RALY: variants seen among roughly 807,000 people sequenced by gnomAD.
RALY encodes RNA-binding protein Raly.
A neutral mutation model predicts 30.7 loss-of-function variants in RALY; 15 were observed. That is an observed-to-expected ratio of 0.49 (90% confidence interval 0.33 to 0.75). The LOEUF (loss-of-function observed/expected upper bound fraction) is 0.75, where lower values mean the gene tolerates loss of function less well. Ranked by LOEUF, RALY falls within the 30% of genes least tolerant of loss-of-function variation. The pLI is 0.02. For synonymous variants in RALY, 177 were observed against 170.8 expected (o/e 1.04, Z -0.28); for missense variants, 339 against 414.3 (o/e 0.82, Z 1.58).
chr20:34,004,343 C>G (rs188445990), intron 1 of RALY, among the ~76,000 whole-genome samples: 119 of 152,324 alleles, frequency 7.8e-4, no homozygotes, highest in Non-Finnish European at 1.2e-3. Context: ...TCAATATTGC[C>G]ATGTCTGTAC....
chr20:34,058,805 G>T (rs1601487317), intron 2 of RALY, among the ~76,000 whole-genome samples: 3 of 152,310 alleles, frequency 2.0e-5, no homozygotes, highest in East Asian at 1.9e-4. Context: ...GAGGATTGTT[G>T]TGTATAGATT....
intron 1 of RALY, among the ~76,000 whole-genome samples, chr20:34,022,415 T>C (rs1397034150): frequency 6.6e-6 from 1 of 152,168 alleles, no homozygotes; most frequent in Non-Finnish European, 1.5e-5. Context: ...GTGGAGGGGC[T>C]TATGATACTT....
intron 6 of RALY, 138 bp from the exon 7 acceptor site, chr20:34,076,564 C>T (rs2033883092): frequency 4.2e-6 from 3 of 721,692 alleles, no homozygotes; most frequent in African/African-American, 1.8e-5. Flanking sequence ...AGGAGGAGAC[C>T]TTTTTCCTAA....
chr20:34,061,687 T>C (rs982349460), intron 2 of RALY, among the ~76,000 whole-genome samples: 1 of 152,226 alleles, frequency 6.6e-6, no homozygotes, highest in Non-Finnish European at 1.5e-5. Context: ...TTTTGAGTAC[T>C]TAAGATTGGC....
At chr20:34,033,426 A>G (rs999867377) in intron 2 of RALY, among the ~76,000 whole-genome samples, 1 of 152,234 alleles carries the variant, frequency 6.6e-6, no homozygotes, top group African/African-American at 2.4e-5. Context: ...TTGTCTCACA[A>G]TTCGAATGTC....
At chr20:34,062,262 A>G (rs1424617074) in intron 2 of RALY, among the ~76,000 whole-genome samples, 1 of 152,134 alleles carries the variant, frequency 6.6e-6, no homozygotes, top group East Asian at 1.9e-4. Flanking sequence ...TTTACTCTCT[A>G]CTTTCTCTGA....
chr20:34,075,797 C>G, intron 5 of RALY, 77 bp from the exon 6 acceptor site: 2 of 1,470,238 alleles, frequency 1.4e-6, no homozygotes, highest in Non-Finnish European at 1.8e-6. Context: ...CAGCCACACA[C>G]GTTTGTAGCC....
At chr20:34,051,665 C>T (rs992927061) in intron 2 of RALY, among the ~76,000 whole-genome samples, 17 of 151,976 alleles carry the variant, frequency 1.1e-4, no homozygotes, top group Admixed American at 2.6e-4. Context: ...GCGTGATCTC[C>T]GCTCACTGCA....
At chr20:34,048,179 T>G (rs1313064791) in intron 2 of RALY, among the ~76,000 whole-genome samples, 1 of 152,218 alleles carries the variant, frequency 6.6e-6, no homozygotes, top group Non-Finnish European at 1.5e-5. Context: ...AAAAGATTCA[T>G]TAGGCTCTGG....
At chr20:34,045,662 TGAATC>T (rs1223191362) in intron 2 of RALY, among the ~76,000 whole-genome samples, 2 of 152,236 alleles carry the variant, frequency 1.3e-5, no homozygotes, top group Admixed American at 1.3e-4. Flanking sequence ...AATATTAACT[TGAATC>T]CCATTTAATA....
chr20:34,050,614 C>G (rs752233577), intron 2 of RALY, among the ~76,000 whole-genome samples: 23 of 152,180 alleles, frequency 1.5e-4, no homozygotes, highest in Non-Finnish European at 3.2e-4. Context: ...TCAGGGTAGT[C>G]TCTATCTGAG....
At chr20:34,070,085 AT>A (rs1293155059) in intron 2 of RALY, among the ~76,000 whole-genome samples, 4 of 152,216 alleles carry the variant, frequency 2.6e-5, no homozygotes, top group Non-Finnish European at 5.9e-5. Flanking sequence ...AGAGTCTCTT[AT>A]CCCCTAGTGG....
At chr20:33,996,677 C>G (rs2030647825) in intron 1 of RALY, among the ~76,000 whole-genome samples, 1 of 152,046 alleles carries the variant, frequency 6.6e-6, no homozygotes, top group African/African-American at 2.4e-5. Flanking sequence ...TTAACCGTTT[C>G]AAAGTGTACA....
chr20:33,996,371 G>A (rs1441988486), intron 1 of RALY, among the ~76,000 whole-genome samples: 1 of 152,176 alleles, frequency 6.6e-6, no homozygotes, highest in South Asian at 2.1e-4. Context: ...GTGCTTTATA[G>A]TGGTAGTAAT....
intron 1 of RALY, among the ~76,000 whole-genome samples, chr20:34,012,022 C>T (rs1182095743): frequency 6.6e-6 from 1 of 151,262 alleles, no homozygotes; most frequent in Admixed American, 6.6e-5. Context: ...GCCGAGCTTG[C>T]GCCACTGCAC....
intron 1 of RALY, among the ~76,000 whole-genome samples, chr20:34,019,614 G>T (rs1156596578): frequency 6.6e-6 from 1 of 152,216 alleles, no homozygotes. Context: ...GACACTGGGT[G>T]CTCTGTTAGG....
intron 1 of RALY, among the ~76,000 whole-genome samples, chr20:34,001,770 G>A (rs753268942): frequency 2.6e-5 from 4 of 152,020 alleles, no homozygotes; most frequent in Non-Finnish European, 4.4e-5. Flanking sequence ...ATCGAATGTT[G>A]TTTCCTTTTT....
chr20:34,008,000 A>T (rs531162602), intron 1 of RALY, among the ~76,000 whole-genome samples: 5 of 152,214 alleles, frequency 3.3e-5, no homozygotes, highest in African/African-American at 1.2e-4. Flanking sequence ...AGACAAGGTC[A>T]TTGTGGGACT....
At position 34,076,711 on chromosome 20, in the gene RALY, G is replaced by A; in HGVS notation, c.554G>A (p.Ser185Asn). The part of the protein sequence containing the change: ...TSSAKIKLKS[S>N]ELQAIKTELT... Reference sequence around the variant, plus strand: ...CCCCCTCCACTCCCAGTAAAGAGCAGTGAGCTGCAGGCCATCAAGACGGAG... The same window carrying A: ...CCCCCTCCACTCCCAGTAAAGAGCAATGAGCTGCAGGCCATCAAGACGGAG... The change falls in exon 7 of 10, where the codon AGT (serine) becomes AAT (asparagine). Residue 185 changes from serine to asparagine, a missense_variant. Ser to Asn is a conservative substitution (Grantham distance 46). Coordinates refer to ENST00000246194, the MANE Select transcript of RALY (RefSeq NM_016732.3). 1.2e-6 allele frequency: 2 copies of A among 1,614,040 alleles called. No homozygotes were observed. Among genetic ancestry groups the A allele is most frequent in the South Asian group, 1.1e-5 (1 of 91,060 alleles).
Sources: gnomAD v4.1 joint callset for allele counts (sites outside exome capture counted in the v4.1 genomes callset) on GRCh38, gnomAD v4.1.1 for gene constraint, MANE v1.5 for transcripts, NCBI Gene and HGNC (gene_info 2026-07-23, HGNC 2026-07-21) for gene names.